The following EYS variants were observed in gnomAD, a reference collection of about 807,000 sequenced individuals.
The protein encoded by EYS is protein eyes shut homolog.
In EYS, 250 loss-of-function variants were observed where a neutral mutation model predicts 282.1. The ratio of observed to expected loss-of-function variants is 0.89; its 90% CI spans 0.80 to 0.98. EYS has a LOEUF of 0.98. EYS is among the 50% of genes least tolerant of loss of function. The pLI, the probability that EYS is intolerant of heterozygous loss-of-function variation, is 0.00. For missense variants in EYS, 4,016 were observed against 3,709.0 expected, an observed-to-expected ratio of 1.08 and a Z score of -2.15; for synonymous variants, 1,355 against 1,282.9, an observed-to-expected ratio of 1.06 and a Z score of -1.20.
chr6:64,486,761 G>A (rs970021660), intron 26 of EYS, among the ~76,000 whole-genome samples: 1 of 151,234 alleles, frequency 6.6e-6, no homozygotes, highest in Non-Finnish European at 1.5e-5. Context: ...ATCTAATTCA[G>A]CCTGTGGCTG....
intron 35 of EYS, among the ~76,000 whole-genome samples, chr6:63,953,731 G>T (rs1765695387): frequency 6.6e-6 from 1 of 151,986 alleles, no homozygotes; most frequent in African/African-American, 2.4e-5. Flanking sequence ...CCTAAAAACT[G>T]CTCCCATACT....
intron 14 of EYS, among the ~76,000 whole-genome samples, chr6:64,990,970 A>C (rs896269685): frequency 6.6e-6 from 1 of 151,508 alleles, no homozygotes; most frequent in African/African-American, 2.4e-5. Context: ...AAAAGGGAAG[A>C]AATAAGGTTG....
intron 35 of EYS, among the ~76,000 whole-genome samples, chr6:63,875,923 C>A (rs554293299): frequency 6.6e-6 from 1 of 152,294 alleles, no homozygotes; most frequent in East Asian, 1.9e-4. Flanking sequence ...AAAAAACCAG[C>A]TCCTGGATTC....
At chr6:64,589,320 A>C (rs552835479) in intron 26 of EYS, among the ~76,000 whole-genome samples, 92 of 152,208 alleles carry the variant, frequency 6.0e-4, no homozygotes, top group South Asian at 4.4e-3. Context: ...AAAACCTTTT[A>C]AACGTTGGGG....
chr6:65,297,886 C>G (rs567307983), intron 11 of EYS, among the ~76,000 whole-genome samples: 55 of 152,042 alleles, frequency 3.6e-4, no homozygotes, highest in Non-Finnish European at 6.6e-4. Context: ...TTAACCGTAT[C>G]TTTGTAAATT....
intron 8 of EYS, among the ~76,000 whole-genome samples, chr6:65,381,304 A>T (rs187843398): frequency 2.6e-5 from 4 of 152,258 alleles, no homozygotes; most frequent in African/African-American, 9.6e-5. Flanking sequence ...GAATGAGTTC[A>T]TGTCCTTTGC....
At chr6:64,000,315 C>T (rs1021679686) in intron 33 of EYS, among the ~76,000 whole-genome samples, 1 of 150,392 alleles carries the variant, frequency 6.6e-6, no homozygotes, top group Non-Finnish European at 1.5e-5. Flanking sequence ...TCTCAGCCTC[C>T]CGAGTAGCTG....
chr6:65,454,989 G>A (rs1015213501), intron 5 of EYS, among the ~76,000 whole-genome samples: 14 of 152,014 alleles, frequency 9.2e-5, no homozygotes, highest in African/African-American at 1.9e-4. Flanking sequence ...GCTATTTAGC[G>A]TCTTTTTGTG....
intron 35 of EYS, among the ~76,000 whole-genome samples, chr6:63,958,870 C>A (rs1422295307): frequency 6.6e-6 from 1 of 152,178 alleles, no homozygotes; most frequent in African/African-American, 2.4e-5. Context: ...ATCTACTGCT[C>A]AGAAAGAAGA....
At chr6:64,688,936 C>T (rs1023460276) in intron 22 of EYS, among the ~76,000 whole-genome samples, 3 of 151,772 alleles carry the variant, frequency 2.0e-5, no homozygotes, top group African/African-American at 7.3e-5. Flanking sequence ...TCTCTCACCA[C>T]TCCTATTCAA....
rs532233747 is a variant in EYS at position 64,910,785 on chromosome 6, G to A, written c.2641+1699C>T. On this transcript the variant is annotated intron_variant, in intron 16 of 42. Coordinates refer to ENST00000503581, the MANE Select transcript of EYS (RefSeq NM_001142800.2). ...TTCCAAACTTTCTTTCCCTAAACCC[G>A]TAGCAGGAAAGAAATATCACTATAT... 5.9e-5 allele frequency among the ~76,000 whole-genome samples: 9 copies of A among 151,936 alleles called. No individual in the cohort carries two copies. The South Asian group carries it at 8.3e-4, about 14-fold the overall frequency.
chr6:64,638,730 A>C lies in EYS; in HGVS notation c.3444-12485T>G, dbSNP rs573524801. 2.2e-5 allele frequency among the ~76,000 whole-genome samples: 2 copies of C among 90,462 alleles called. 1 individual carries two copies. Among genetic ancestry groups the C allele is most frequent in the Admixed American group, 2.4e-4 (2 of 8,442 alleles). 59.3% of individuals were successfully genotyped at this position (90,462 alleles called of 152,430 possible). ...AAAATATTCAAGTGCAGTCATTTTC[A>C]AGCAATTTTCTCTGACTATCTTTTC... On this transcript the variant is annotated intron_variant, in intron 22 of 42. Coordinates refer to ENST00000503581, the MANE Select transcript of EYS (RefSeq NM_001142800.2).
chr6:64,192,916 A>C (rs185194161), intron 31 of EYS, among the ~76,000 whole-genome samples: 19 of 152,194 alleles, frequency 1.2e-4, no homozygotes, highest in Non-Finnish European at 2.8e-4. Flanking sequence ...CAACTCTTCA[A>C]TAAATCATGT....
rs192914188 is a variant in EYS at position 63,907,986 on chromosome 6, G to T, written c.7056-43628C>A. On this transcript the variant is annotated intron_variant, in intron 35 of 42. Coordinates refer to ENST00000503581, the MANE Select transcript of EYS (RefSeq NM_001142800.2). Reference sequence around the variant, plus strand: ...CCTGAATAGTATTGACTGTATATATGTACACACACACACACACACACAAAC... The same window carrying T: ...CCTGAATAGTATTGACTGTATATATTTACACACACACACACACACACAAAC... Among the ~76,000 whole-genome samples, 239 of 89,746 alleles carry T rather than the reference G, an allele frequency of 2.7e-3. 4 individuals are homozygous for T. In the East Asian group the frequency reaches 0.064, roughly 24 times the overall value. 58.9% of individuals were successfully genotyped at this position (89,746 alleles called of 152,430 possible). A position where few individuals can be genotyped will look rare whatever the true frequency, so the allele number is the denominator to read the frequency against.
At chr6:65,120,645 G>A (rs1261602313) in intron 12 of EYS, among the ~76,000 whole-genome samples, 1 of 152,012 alleles carries the variant, frequency 6.6e-6, no homozygotes, top group East Asian at 1.9e-4. Context: ...AGGGACTCCA[G>A]TGCTGCTGGT....
intron 36 of EYS, among the ~76,000 whole-genome samples, chr6:63,809,013 C>T (rs1347984231): frequency 6.6e-6 from 1 of 152,164 alleles, no homozygotes; most frequent in Non-Finnish European, 1.5e-5. Flanking sequence ...GCAGAGAGAT[C>T]CAAGCATGTT....
At position 64,348,355 on chromosome 6, in the gene EYS, T is replaced by C. The variant is rs181992890; in HGVS notation, c.6078+40335A>G. 7.5e-3 allele frequency among the ~76,000 whole-genome samples: 1,137 copies of C among 151,604 alleles called. 9 individuals are homozygous for C. The highest frequency in any genetic ancestry group is 0.013 in the Non-Finnish European group (855 of 67,636). ...AAGGTCTTCAAGCAAAGAGATAATGTTGGATTTTTTTTCCATATCATTCCT... is the reference window on the plus strand; with the variant it reads ...AAGGTCTTCAAGCAAAGAGATAATGCTGGATTTTTTTTCCATATCATTCCT... On this transcript the variant is annotated intron_variant, in intron 29 of 42. Transcript: ENST00000503581.
At chr6:65,499,690 G>C (rs755569242) in intron 2 of EYS, among the ~76,000 whole-genome samples, 6 of 151,982 alleles carry the variant, frequency 3.9e-5, no homozygotes, top group Non-Finnish European at 8.8e-5. Flanking sequence ...AAAATTATAG[G>C]AGTGAAAATG....
intron 35 of EYS, among the ~76,000 whole-genome samples, chr6:63,888,903 G>A (rs1290154350): frequency 6.6e-6 from 1 of 152,208 alleles, no homozygotes; most frequent in African/African-American, 2.4e-5. Context: ...TAAAAGGTTA[G>A]AGAAATTTCA....
Sources: gnomAD v4.1 joint callset for allele counts (sites outside exome capture counted in the v4.1 genomes callset) on GRCh38, gnomAD v4.1.1 for gene constraint, MANE v1.5 for transcripts, NCBI Gene and HGNC (gene_info 2026-07-23, HGNC 2026-07-21) for gene names.